The following GPC5 variants were observed in gnomAD, a reference collection of about 807,000 sequenced individuals.
GPC5 encodes glypican-5.
GPC5 carries 47 observed loss-of-function variants against 53.9 expected under a neutral mutation model. The observed-to-expected ratio is 0.87, with a 90% confidence interval of 0.69 to 1.11. The LOEUF (loss-of-function observed/expected upper bound fraction) is 1.11. GPC5 is among the 50% of genes most tolerant of loss of function. GPC5 has a pLI of 0.00. For missense variants in GPC5, 748 were observed against 713.1 expected, an observed-to-expected ratio of 1.05 and a Z score of -0.56; for synonymous variants, 286 against 263.3, an observed-to-expected ratio of 1.09 and a Z score of -0.84.
chr13:91,902,852 C>T (rs2039512013), intron 5 of GPC5, among the ~76,000 whole-genome samples: 1 of 151,944 alleles, frequency 6.6e-6, no homozygotes, highest in South Asian at 2.1e-4. Context: ...CGACAGACCA[C>T]TTAGTCTATG....
chr13:91,902,437 C>T lies in GPC5; in HGVS notation c.1281-5500C>T, dbSNP rs140284110. Among the ~76,000 whole-genome samples, 276 of 151,994 alleles carry T rather than the reference C, an allele frequency of 1.8e-3. 3 individuals carry two copies. Among genetic ancestry groups the T allele is most frequent in the African/African-American group, 6.2e-3 (257 of 41,494 alleles). ...GCCTTTTTTCCTTGTTAATGAAAAA[C>T]AAGTAGTGCTTGGGGAGCAAGTATT... On this transcript the variant is annotated intron_variant, in intron 5 of 7. Transcript: ENST00000377067.
At chr13:91,459,945 A>C (rs1461736393) in intron 2 of GPC5, among the ~76,000 whole-genome samples, 1 of 152,192 alleles carries the variant, frequency 6.6e-6, no homozygotes, top group Non-Finnish European at 1.5e-5. Flanking sequence ...CAAATAAATA[A>C]ATCAACCTGA....
At chr13:92,462,126 C>T (rs1408048633) in intron 7 of GPC5, among the ~76,000 whole-genome samples, 1 of 152,142 alleles carries the variant, frequency 6.6e-6, no homozygotes, top group Non-Finnish European at 1.5e-5. Flanking sequence ...GGCATTTAAT[C>T]AGAGTGACAG....
chr13:92,692,836 A>AT, intron 7 of GPC5, among the ~76,000 whole-genome samples: 1 of 126,216 alleles, frequency 7.9e-6, no homozygotes, highest in Admixed American at 9.8e-5. Context: ...TTGGATTTGC[A>AT]TTTTTTTGCT....
At chr13:91,471,790 A>G (rs904413010) in intron 2 of GPC5, among the ~76,000 whole-genome samples, 1 of 152,084 alleles carries the variant, frequency 6.6e-6, no homozygotes, top group African/African-American at 2.4e-5. Context: ...TTCTTAATAT[A>G]GAATTTACTC....
intron 1 of GPC5, among the ~76,000 whole-genome samples, chr13:91,418,171 G>A (rs905202068): frequency 1.9e-4 from 29 of 151,936 alleles, no homozygotes; most frequent in Non-Finnish European, 2.9e-4. Context: ...TATATAGAGC[G>A]TTTAGTACTA....
intron 5 of GPC5, among the ~76,000 whole-genome samples, chr13:91,894,221 C>A (rs568352762): frequency 6.6e-6 from 1 of 152,248 alleles, no homozygotes; most frequent in African/African-American, 2.4e-5. Context: ...ATTTGTAAAA[C>A]CATCCATTTG....
intron 6 of GPC5, among the ~76,000 whole-genome samples, chr13:92,052,569 A>C (rs2041039345): frequency 6.6e-6 from 1 of 152,086 alleles, no homozygotes; most frequent in Non-Finnish European, 1.5e-5. Context: ...GTTCATTTAC[A>C]ATCCTTTAGC....
chr13:91,859,899 C>T (rs2039007145), intron 5 of GPC5, among the ~76,000 whole-genome samples: 1 of 151,794 alleles, frequency 6.6e-6, no homozygotes, highest in South Asian at 2.1e-4. Context: ...AAATATGTAA[C>T]TGTGTTATTG....
chr13:92,597,277 TA>T lies in GPC5; in HGVS notation c.1562-269000del, dbSNP rs562265568. ...TAATGCCAGGATTTTTTTTTTTTTTTAAAAAGGATGTAGAGAAAAGGAAACA... is the reference window on the plus strand; with the variant it reads ...TAATGCCAGGATTTTTTTTTTTTTTTAAAAGGATGTAGAGAAAAGGAAACA... On this transcript the variant is annotated intron_variant, in intron 7 of 7. Coordinates refer to ENST00000377067, the MANE Select transcript of GPC5 (RefSeq NM_004466.6). 4.6e-3 allele frequency among the ~76,000 whole-genome samples: 687 copies of T among 147,854 alleles called. 1 individual carries two copies. The highest frequency in any genetic ancestry group is 1.0e-2 in the African/African-American group (388 of 38,844).
At chr13:92,255,275 C>T (rs1402246626) in intron 7 of GPC5, among the ~76,000 whole-genome samples, 1 of 152,088 alleles carries the variant, frequency 6.6e-6, no homozygotes, top group Admixed American at 6.6e-5. Flanking sequence ...AAGCAGACCA[C>T]AAAAACTTCT....
At chr13:91,428,171 C>T (rs77528418) in intron 1 of GPC5, among the ~76,000 whole-genome samples, 5,454 of 152,240 alleles carry the variant, frequency 0.036, 144 homozygotes, top group Middle Eastern at 0.068. Context: ...GTTACAGCTC[C>T]TTCACTCCCA....
chr13:91,582,006 AG>A (rs1456298085), intron 2 of GPC5, among the ~76,000 whole-genome samples: 20 of 152,212 alleles, frequency 1.3e-4, no homozygotes, highest in Non-Finnish European at 1.9e-4. Context: ...AATTAGGCTT[AG>A]GGAGGCTTTC....
In GPC5 at chr13:92,395,920, T is replaced by TG. The variant is rs1177684461; in HGVS notation, c.1561+250931_1561+250932insG. Among the ~76,000 whole-genome samples the TG allele has an allele frequency of 3.3e-4, 50 of 151,754 alleles. 2 individuals carry two copies. The highest frequency in any genetic ancestry group is 3.2e-3 in the Middle Eastern group (1 of 316). On this transcript the variant is annotated intron_variant, in intron 7 of 7. Coordinates refer to ENST00000377067, the MANE Select transcript of GPC5 (RefSeq NM_004466.6). The stretch of plus-strand genomic sequence containing the variant: ...GTGTTTGTTTCTGTTTTTTTTTTTT[T>TG]TGTATTTTTCTTTATTAGCTTCTTT...
At chr13:92,362,404 C>T (rs1054577088) in intron 7 of GPC5, among the ~76,000 whole-genome samples, 3 of 151,668 alleles carry the variant, frequency 2.0e-5, no homozygotes, top group Admixed American at 6.6e-5. Context: ...ATCCTTTGGT[C>T]TTATTAAGAT....
chr13:92,060,337 A>T (rs1250193889), intron 6 of GPC5, among the ~76,000 whole-genome samples: 1 of 152,104 alleles, frequency 6.6e-6, no homozygotes, highest in East Asian at 1.9e-4. Flanking sequence ...AATACAAATT[A>T]AAAATATTTT....
At chr13:92,643,741 G>A (rs183505299) in intron 7 of GPC5, among the ~76,000 whole-genome samples, 18 of 148,620 alleles carry the variant, frequency 1.2e-4, no homozygotes, top group African/African-American at 4.4e-4. Flanking sequence ...GTGCGGGGAG[G>A]AGGGAGGGAT....
intron 6 of GPC5, among the ~76,000 whole-genome samples, chr13:92,138,763 A>C (rs2041806194): frequency 6.6e-6 from 1 of 152,094 alleles, no homozygotes; most frequent in African/African-American, 2.4e-5. Context: ...GATGGAGCCA[A>C]CACAGCACAG....
intron 2 of GPC5, among the ~76,000 whole-genome samples, chr13:91,499,001 C>T (rs530988028): frequency 4.6e-4 from 70 of 151,918 alleles, no homozygotes; most frequent in African/African-American, 1.6e-3. Context: ...AAAGCTGCTG[C>T]AGTCATTCAG....
Sources: gnomAD v4.1 joint callset for allele counts (sites outside exome capture counted in the v4.1 genomes callset) on GRCh38, gnomAD v4.1.1 for gene constraint, MANE v1.5 for transcripts, NCBI Gene and HGNC (gene_info 2026-07-23, HGNC 2026-07-21) for gene names.